Variants in VPS13B observed in about 807,000 individuals in gnomAD.
VPS13B encodes the protein vacuolar protein sorting 13 homolog B, also known as intermembrane lipid transfer protein VPS13B.
A neutral mutation model predicts 426.4 loss-of-function variants in VPS13B; 285 were observed. The observed-to-expected ratio is 0.67, with a 90% CI of 0.61 to 0.74. The LOEUF (loss-of-function observed/expected upper bound fraction) is 0.74. Among genes scored for constraint, VPS13B ranks in the 30% least tolerant of loss-of-function variants. The probability of loss-of-function intolerance (pLI) is 0.00; values close to 1 mark genes in which losing one functional copy is unlikely to be tolerated. For missense variants in VPS13B, 4,537 were observed against 4,782.6 expected, an observed-to-expected ratio of 0.95 and a Z score of 1.51; for synonymous variants, 1,676 against 1,676.4, an observed-to-expected ratio of 1.00 and a Z score of 0.01.
At chr8:99,090,037 G>A (rs1184341240) in intron 3 of VPS13B, among the ~76,000 whole-genome samples, 1 of 152,064 alleles carries the variant, frequency 6.6e-6, no homozygotes, top group Non-Finnish European at 1.5e-5. Flanking sequence ...GTATAATGAG[G>A]CATGTCTGAC....
At chr8:99,715,301 A>G (rs1832866848) in intron 36 of VPS13B, among the ~76,000 whole-genome samples, 3 of 152,222 alleles carry the variant, frequency 2.0e-5, no homozygotes, top group African/African-American at 7.2e-5. Context: ...TGTCCTGAAT[A>G]GCTACTGTTG....
chr8:99,474,483 G>A (rs888380725), intron 24 of VPS13B, among the ~76,000 whole-genome samples: 5 of 151,730 alleles, frequency 3.3e-5, no homozygotes, highest in Non-Finnish European at 4.4e-5. Flanking sequence ...CACTGCACCC[G>A]GACTAAAAAT....
chr8:99,294,991 T>A (rs1369208011), intron 19 of VPS13B, among the ~76,000 whole-genome samples: 1 of 152,178 alleles, frequency 6.6e-6, no homozygotes, highest in African/African-American at 2.4e-5. Flanking sequence ...AGTTGATGTG[T>A]TAAAAATATT....
At chr8:99,305,665 G>C (rs1355195776) in intron 19 of VPS13B, among the ~76,000 whole-genome samples, 1 of 152,070 alleles carries the variant, frequency 6.6e-6, no homozygotes, top group Non-Finnish European at 1.5e-5. Flanking sequence ...TTAGGCATAT[G>C]GTTGGTGTTG....
At chr8:99,216,520 G>A (rs1018886884) in intron 17 of VPS13B, among the ~76,000 whole-genome samples, 5 of 151,816 alleles carry the variant, frequency 3.3e-5, no homozygotes, top group African/African-American at 4.8e-5. Flanking sequence ...ATGAATGAAT[G>A]TAAAATTTGG....
chr8:99,314,713 A>G (rs914414056), intron 19 of VPS13B, among the ~76,000 whole-genome samples: 41 of 152,124 alleles, frequency 2.7e-4, no homozygotes, highest in African/African-American at 9.2e-4. Flanking sequence ...GGCCTCCGTA[A>G]GTACTGGGAT....
chr8:99,040,934 T>C (rs1161090841), intron 3 of VPS13B, among the ~76,000 whole-genome samples: 1 of 152,212 alleles, frequency 6.6e-6, no homozygotes, highest in East Asian at 1.9e-4. Flanking sequence ...AATTTAATTC[T>C]ACCAACATTT....
intron 17 of VPS13B, among the ~76,000 whole-genome samples, chr8:99,213,832 T>G (rs1815242155): frequency 6.6e-6 from 1 of 151,922 alleles, no homozygotes; most frequent in Non-Finnish European, 1.5e-5. Flanking sequence ...TTTTTTTTTT[T>G]TTTGGCTGGG....
At chr8:99,564,203 T>A (rs1312138233) in intron 31 of VPS13B, among the ~76,000 whole-genome samples, 3 of 152,148 alleles carry the variant, frequency 2.0e-5, no homozygotes, top group Non-Finnish European at 4.4e-5. Context: ...TCCAAAGGAA[T>A]ATATCATGGT....
At chr8:99,037,011 T>TA (rs1842775332) in intron 2 of VPS13B, among the ~76,000 whole-genome samples, 1 of 152,162 alleles carries the variant, frequency 6.6e-6, no homozygotes, top group South Asian at 2.1e-4. Context: ...AAAATGGGGA[T>TA]AATGCTATTT....
At chr8:99,347,475 T>C (rs1470474912) in intron 19 of VPS13B, 1 of 153,274 alleles carries the variant, frequency 6.5e-6, no homozygotes, top group Admixed American at 6.5e-5. Context: ...CTTTATTCCG[T>C]GGTTCTAAGA....
At chr8:99,290,050 T>A (rs1819646031) in intron 19 of VPS13B, among the ~76,000 whole-genome samples, 1 of 152,064 alleles carries the variant, frequency 6.6e-6, no homozygotes, top group South Asian at 2.1e-4. Context: ...AATGGCCATT[T>A]TCAGGTGACC....
chr8:99,511,407 A>G lies in VPS13B; in HGVS notation c.4528A>G (p.Arg1510Gly). The G allele has an allele frequency of 6.2e-7, 1 of 1,613,902 alleles. No individual in the cohort carries two copies. The highest frequency in any genetic ancestry group is 1.1e-5 in the South Asian group (1 of 91,074). The change falls in exon 29 of 62, where the codon AGG (arginine) becomes GGG (glycine). Residue 1510 changes from arginine (R) to glycine (G), a missense_variant. Transcript: ENST00000357162. ...AAGAAAATCTCCTGGTCAGCCCATG[A>G]GGACCCATACACTGACATCCCGCAA... ...EKRKSPGQPM[R>G]THTLTSRNLP...
At chr8:99,592,946 C>A (rs931211354) in intron 33 of VPS13B, among the ~76,000 whole-genome samples, 1 of 151,864 alleles carries the variant, frequency 6.6e-6, no homozygotes, top group Non-Finnish European at 1.5e-5. Flanking sequence ...TGTAAAACCC[C>A]AAACTGTAAA....
At position 99,502,869 on chromosome 8, in the gene VPS13B, G is replaced by A. The variant is rs1821316658; in HGVS notation, c.4076G>A (p.Ser1359Asn). The stretch of plus-strand genomic sequence containing the variant: ...ATGGTCAGTGAACTAGAAGATCTCA[G>A]TGCTTCCATAGATGTCCAGGATGTA... ...VCMVSELEDLSASIDVQDVYT... is the reference protein window; with the variant it reads ...VCMVSELEDLNASIDVQDVYT... Residue 1359 changes from serine to asparagine, a missense_variant, in exon 27 of 62, where the codon AGT becomes AAT. Transcript: ENST00000357162. 3 of 1,613,590 alleles carry A rather than the reference G, an allele frequency of 1.9e-6. No individual in the cohort carries two copies. The highest frequency in any genetic ancestry group is 1.1e-5 in the South Asian group (1 of 91,074).
intron 44 of VPS13B, among the ~76,000 whole-genome samples, chr8:99,813,098 A>G (rs1303847171): frequency 6.6e-6 from 1 of 152,232 alleles, no homozygotes; most frequent in African/African-American, 2.4e-5. Flanking sequence ...AAGCAGATAG[A>G]GCTCTCCTGA....
chr8:99,592,754 A>T (rs1826758979), intron 33 of VPS13B, among the ~76,000 whole-genome samples: 1 of 152,136 alleles, frequency 6.6e-6, no homozygotes, highest in Non-Finnish European at 1.5e-5. Flanking sequence ...CTGAGAAATA[A>T]GACTGCACAC....
chr8:99,150,782 C>G (rs1811034586), intron 14 of VPS13B, among the ~76,000 whole-genome samples: 1 of 152,300 alleles, frequency 6.6e-6, no homozygotes, highest in Non-Finnish European at 1.5e-5. Context: ...ATCCATTCAC[C>G]TACTGAAGGA....
At chr8:99,145,837 G>A (rs578094883) in intron 13 of VPS13B, among the ~76,000 whole-genome samples, 14 of 152,278 alleles carry the variant, frequency 9.2e-5, no homozygotes, top group Non-Finnish European at 1.5e-4. Flanking sequence ...GGGTCATATG[G>A]TAGTTGCATG....
Sources: allele counts gnomAD v4.1 joint callset (sites outside exome capture counted in the v4.1 genomes callset), GRCh38; gene constraint gnomAD v4.1.1; transcripts MANE v1.5; gene names NCBI Gene and HGNC (gene_info 2026-07-23, HGNC 2026-07-21).